CENPW: variants seen among roughly 807,000 people sequenced by gnomAD.
CENPW encodes cancer-up-regulated gene 2 protein.
Under a neutral mutation model 11.1 loss-of-function variants are expected in CENPW, and 3 were observed. That is an observed-to-expected ratio of 0.27 (90% confidence interval 0.12 to 0.70). CENPW has a LOEUF of 0.70. CENPW is among the 30% of genes least tolerant of loss of function. The probability of loss-of-function intolerance (pLI) is 0.77; values close to 1 mark genes in which losing one functional copy is unlikely to be tolerated. For missense variants in CENPW, 100 were observed against 105.6 expected (o/e 0.95, Z 0.23); for synonymous variants, 38 against 42.0 (o/e 0.91, Z 0.37).
At chr6:126,465,725 G>A in the CENPW span, among the ~76,000 whole-genome samples, 1 of 151,976 alleles carries the variant, frequency 6.6e-6, no homozygotes, top group African/African-American at 2.4e-5. Flanking sequence ...TAAACATAGA[G>A]AATTGATTTT....
chr6:126,408,625 T>A, the CENPW span, among the ~76,000 whole-genome samples: 1 of 152,178 alleles, frequency 6.6e-6, no homozygotes, highest in East Asian at 1.9e-4. Context: ...CAGATTGAAA[T>A]GGGAGATTTT....
the CENPW span, among the ~76,000 whole-genome samples, chr6:126,438,945 G>A: frequency 6.6e-6 from 1 of 151,636 alleles, no homozygotes; most frequent in South Asian, 2.1e-4. Flanking sequence ...ATACTTTGAA[G>A]AAGGTAGCTT....
chr6:126,382,419 C>T, the CENPW span, among the ~76,000 whole-genome samples: 3 of 152,034 alleles, frequency 2.0e-5, no homozygotes, highest in African/African-American at 7.2e-5. Flanking sequence ...CACTAGCTCT[C>T]CAGCAAAAGT....
the CENPW span, among the ~76,000 whole-genome samples, chr6:126,388,462 T>C: frequency 2.0e-5 from 3 of 151,978 alleles, no homozygotes; most frequent in African/African-American, 7.2e-5. Flanking sequence ...ATGCCACATA[T>C]TGTTTTTGAA....
chr6:126,416,490 G>C, the CENPW span, among the ~76,000 whole-genome samples: 1 of 152,194 alleles, frequency 6.6e-6, no homozygotes, highest in African/African-American at 2.4e-5. Flanking sequence ...AATGTCTCCA[G>C]GGCATGTCAG....
the CENPW span, among the ~76,000 whole-genome samples, chr6:126,429,449 G>A: frequency 6.6e-6 from 1 of 152,032 alleles, no homozygotes. Context: ...GACCTTGAGA[G>A]ATCTGGTTGT....
the CENPW span, among the ~76,000 whole-genome samples, chr6:126,399,289 T>C: frequency 1.3e-5 from 2 of 152,060 alleles, no homozygotes; most frequent in Admixed American, 1.3e-4. Flanking sequence ...ATTATTTTGG[T>C]TGAATTCATG....
the CENPW span, among the ~76,000 whole-genome samples, chr6:126,376,472 A>G: frequency 6.6e-6 from 1 of 152,254 alleles, no homozygotes; most frequent in East Asian, 1.9e-4. Flanking sequence ...CAACATTAGT[A>G]ACAGTAGGCC....
chr6:126,418,331 G>A, the CENPW span, among the ~76,000 whole-genome samples: 8 of 152,136 alleles, frequency 5.3e-5, no homozygotes, highest in Admixed American at 5.2e-4. Context: ...TAACAAAAAA[G>A]TGGAAACTTA....
At chr6:126,398,380 C>T in the CENPW span, among the ~76,000 whole-genome samples, 1 of 152,058 alleles carries the variant, frequency 6.6e-6, no homozygotes, top group Non-Finnish European at 1.5e-5. Flanking sequence ...ATAAAATATG[C>T]CCTGAATTAA....
chr6:126,414,950 C>T, the CENPW span, among the ~76,000 whole-genome samples: 33 of 151,852 alleles, frequency 2.2e-4, no homozygotes, highest in African/African-American at 6.0e-4. Context: ...GGATCATTAG[C>T]GATGGCTATG....
At chr6:126,390,571 AT>A in the CENPW span, among the ~76,000 whole-genome samples, 62 of 151,424 alleles carry the variant, frequency 4.1e-4, no homozygotes, top group African/African-American at 1.3e-3. Flanking sequence ...ATTCTTTCTA[AT>A]TTTTTTTGTG....
chr6:126,481,446 G>C, the CENPW span, among the ~76,000 whole-genome samples: 3 of 152,068 alleles, frequency 2.0e-5, no homozygotes, highest in African/African-American at 7.2e-5. Context: ...TCAAGGGGCT[G>C]CATCTAGTGA....
chr6:126,357,770 G>A, the CENPW span, among the ~76,000 whole-genome samples: 1 of 152,006 alleles, frequency 6.6e-6, no homozygotes, highest in African/African-American at 2.4e-5. Flanking sequence ...CACCACACCT[G>A]GCTGATTTTA....
the CENPW span, among the ~76,000 whole-genome samples, chr6:126,480,020 A>G: frequency 6.6e-6 from 1 of 151,988 alleles, no homozygotes; most frequent in Non-Finnish European, 1.5e-5. Context: ...CATGGAGGAC[A>G]TGGGTGTGAA....
the CENPW span, among the ~76,000 whole-genome samples, chr6:126,430,270 G>A: frequency 6.6e-6 from 1 of 152,118 alleles, no homozygotes; most frequent in Non-Finnish European, 1.5e-5. Flanking sequence ...AAGTGATGAA[G>A]GGAAATATAA....
chr6:126,402,370 A>G, the CENPW span, among the ~76,000 whole-genome samples: 2 of 147,958 alleles, frequency 1.4e-5, no homozygotes, highest in Admixed American at 6.8e-5. Flanking sequence ...TCTTCCTTCC[A>G]TCACAGATTT....
the CENPW span, among the ~76,000 whole-genome samples, chr6:126,462,461 C>T: frequency 6.7e-6 from 1 of 149,132 alleles, no homozygotes; most frequent in Non-Finnish European, 1.5e-5. Context: ...AAAATGAAAA[C>T]TTTTATCTCT....
chr6:126,448,946 T>A, the CENPW span, among the ~76,000 whole-genome samples: 2 of 151,268 alleles, frequency 1.3e-5, no homozygotes, highest in Admixed American at 6.6e-5. Flanking sequence ...ATTCAAACTA[T>A]CTTGCTCTAA....
Sources: allele counts gnomAD v4.1 joint callset (sites outside exome capture counted in the v4.1 genomes callset), GRCh38; gene constraint gnomAD v4.1.1; transcripts MANE v1.5; gene names NCBI Gene and HGNC (gene_info 2026-07-23, HGNC 2026-07-21).